The following PLCH2 variants were observed in gnomAD, a reference collection of about 807,000 sequenced individuals.
The protein encoded by PLCH2 is 1-phosphatidylinositol 4,5-bisphosphate phosphodiesterase eta-2.
A neutral mutation model predicts 134.7 loss-of-function variants in PLCH2; 98 were observed. That is an observed-to-expected ratio of 0.73 (90% confidence interval 0.62 to 0.86). The LOEUF (loss-of-function observed/expected upper bound fraction) is 0.86. PLCH2 is among the 40% of genes least tolerant of loss of function. The pLI, the probability that PLCH2 is intolerant of heterozygous loss-of-function variation, is 0.00. For missense variants in PLCH2, 1,994 were observed against 1,986.6 expected (o/e 1.00, Z -0.07); for synonymous variants, 974 against 827.5 (o/e 1.18, Z -3.04).
intron 4 of PLCH2, among the ~76,000 whole-genome samples, chr1:2,483,181 G>A (rs1642069212): frequency 6.6e-6 from 1 of 152,216 alleles, no homozygotes. Context: ...CTTCCGTGGA[G>A]GCCTGAGGAC....
intron 1 of PLCH2, among the ~76,000 whole-genome samples, chr1:2,469,911 G>A (rs541002435): frequency 1.8e-4 from 27 of 152,320 alleles, no homozygotes; most frequent in East Asian, 1.2e-3. Context: ...TGAAGACCCC[G>A]AGAGGGGGCC....
chr1:2,483,457 T>C (rs75732251), intron 4 of PLCH2, among the ~76,000 whole-genome samples: 6,912 of 152,248 alleles, frequency 0.045, 310 homozygotes, highest in African/African-American at 0.11. Context: ...CTGGAACTCT[T>C]TGAAGAGCAG....
upstream of PLCH2, among the ~76,000 whole-genome samples, chr1:2,471,578 G>A (rs1641326100): frequency 6.6e-6 from 1 of 152,208 alleles, no homozygotes; most frequent in African/African-American, 2.4e-5. Flanking sequence ...CCTCCCTCTG[G>A]GCCCTGTGGG....
rs1643257129 is a variant in PLCH2, at chr1:2,502,117, G to A, written c.2667G>A (p.Lys889=). 3 of 1,439,366 alleles carry A rather than the reference G, an allele frequency of 2.1e-6. No individual in the cohort carries two copies. In the East Asian group the frequency reaches 7.9e-5, roughly 38 times the overall value. 89.2% of individuals were successfully genotyped at this position (1,439,366 alleles called of 1,614,324 possible). The change falls in exon 21 of 22, where the codon AAG becomes AAA. Residue 889 remains lysine (K), a synonymous_variant. Coordinates refer to ENST00000378486, the MANE Select transcript of PLCH2 (RefSeq NM_014638.4). ...VAVSDISGKV[K]QALGLKGLFL... Reference sequence around the variant, plus strand: ...ATGGGCTCCTTCTCTTGCAGGTCAAGCAGGCTCTGGGCCTAAAAGGCCTCT... The same window carrying A: ...ATGGGCTCCTTCTCTTGCAGGTCAAACAGGCTCTGGGCCTAAAAGGCCTCT...
chr1:2,442,579 C>T (rs896850127), intron 2 of PLCH2, among the ~76,000 whole-genome samples: 7 of 152,252 alleles, frequency 4.6e-5, no homozygotes, highest in Non-Finnish European at 1.0e-4. Flanking sequence ...TTTCTCAGCT[C>T]TGGCGAGGAC....
intron 2 of PLCH2, among the ~76,000 whole-genome samples, chr1:2,462,362 C>T: frequency 7.8e-6 from 1 of 128,096 alleles, no homozygotes; most frequent in Non-Finnish European, 1.7e-5. Context: ...CTGACAGCCC[C>T]TCTGACACCG....
chr1:2,420,510 G>C, the PLCH2 span, among the ~76,000 whole-genome samples: 1 of 152,202 alleles, frequency 6.6e-6, no homozygotes, highest in Non-Finnish European at 1.5e-5. Flanking sequence ...AGAGCCCCGA[G>C]GGCTGGGGAG....
intron 13 of PLCH2, among the ~76,000 whole-genome samples, chr1:2,495,988 C>T (rs1642862529): frequency 6.6e-6 from 1 of 152,150 alleles, no homozygotes. Flanking sequence ...TCAGCACTGT[C>T]TGGGGTCTCT....
intron 2 of PLCH2, among the ~76,000 whole-genome samples, chr1:2,447,417 C>T (rs555337692): frequency 8.5e-5 from 13 of 152,302 alleles, no homozygotes; most frequent in Non-Finnish European, 1.3e-4. Context: ...TCAGGGCTCC[C>T]CCTCCCCTCC....
chr1:2,471,339 C>T (rs1641316118), upstream of PLCH2, among the ~76,000 whole-genome samples: 1 of 152,030 alleles, frequency 6.6e-6, no homozygotes, highest in Admixed American at 6.5e-5. Context: ...GCTGGGCAGG[C>T]GCCCACCTGC....
Position 2,487,377 on chromosome 1 carries a change from G to A in PLCH2, c.1114+1G>A, listed in dbSNP as rs1440589473. On this transcript the variant is annotated splice_donor_variant, in intron 7 of 21. Coordinates refer to ENST00000378486, the MANE Select transcript of PLCH2 (RefSeq NM_014638.4). LOFTEE classifies it high-confidence loss of function. ...CAGGCTGGCTGCCGCTGCGTGGAGG[G>A]TAAGCCCTGGACCTTGGGTGACGGC... is the stretch of plus-strand genomic sequence containing the variant. 1.9e-6 allele frequency: 3 copies of A among 1,611,676 alleles called. No individual in the cohort carries two copies. Among genetic ancestry groups the A allele is most frequent in the Non-Finnish European group, 2.5e-6 (3 of 1,178,770 alleles).
Position 2,498,290 on chromosome 1 carries a change from C to T in PLCH2, c.2225-233C>T. ...AAGCCATGTGACCTCCTCGGCTCAG[C>T]TGTGGGAGGCATGGGCTCTGTCCCA... On this transcript the variant is annotated intron_variant, in intron 16 of 21. Transcript: ENST00000378486. The surrounding 1 kb of genome is among the most constrained non-coding windows in gnomAD (Gnocchi z 5.4). 1.8e-6 allele frequency: 1 copy of T among 544,944 alleles called. No homozygotes were observed. Among genetic ancestry groups the T allele is most frequent in the East Asian group, 3.1e-5 (1 of 32,462 alleles). 33.8% of individuals were successfully genotyped at this position (544,944 alleles called of 1,614,324 possible).
upstream of PLCH2, among the ~76,000 whole-genome samples, chr1:2,424,838 T>C (rs187653661): frequency 4.6e-5 from 7 of 152,164 alleles, no homozygotes; most frequent in Middle Eastern, 3.4e-3. Flanking sequence ...ATAAAAAAAT[T>C]AGCTGGGCAT....
chr1:2,424,171 T>C (rs548221610), upstream of PLCH2, among the ~76,000 whole-genome samples: 2 of 152,360 alleles, frequency 1.3e-5, no homozygotes, highest in South Asian at 4.1e-4. Flanking sequence ...ATCAAGCTAA[T>C]TAACATAACC....
chr1:2,460,963 G>A (rs1640778157), intron 2 of PLCH2, among the ~76,000 whole-genome samples: 1 of 152,228 alleles, frequency 6.6e-6, no homozygotes, highest in Admixed American at 6.5e-5. Context: ...TGCCAGCCTG[G>A]TGGCGTGGGG....
In PLCH2 at chr1:2,444,072, G is replaced by A. The variant is rs975062821; in HGVS notation, c.115+13443G>A. On this transcript the variant is annotated intron_variant, in intron 2 of 3. Coordinates refer to the PLCH2 transcript ENST00000609981. This position sits in a 1 kb window ranked among gnomAD's most constrained non-coding sequence, Gnocchi z 4.6. ...GGTGCGGGTCGGGGCTGAGCCGCCT[G>A]GGCTTCAGACTCGGGAGCGGAGGCT... 6.6e-6 allele frequency among the ~76,000 whole-genome samples: 1 copy of A among 152,216 alleles called. No individual in the cohort carries two copies. The highest frequency in any genetic ancestry group is 2.1e-4 in the South Asian group (1 of 4,834).
At chr1:2,476,106 T>C (rs1022313324), upstream of PLCH2, among the ~76,000 whole-genome samples, 1 of 152,174 alleles carries the variant, frequency 6.6e-6, no homozygotes, top group African/African-American at 2.4e-5. Context: ...GGCCCTCCCG[T>C]TGGTCCTGCT....
chr1:2,491,342 G>A lies in PLCH2; in HGVS notation c.1659+7G>A, dbSNP rs566310968. 1.2e-6 allele frequency: 2 copies of A among 1,609,684 alleles called. No individual in the cohort carries two copies. Among genetic ancestry groups the A allele is most frequent in the Admixed American group, 1.7e-5 (1 of 59,350 alleles). On this transcript the variant is annotated splice_region_variant and intron_variant, in intron 11 of 21. Coordinates refer to ENST00000378486, the MANE Select transcript of PLCH2 (RefSeq NM_014638.4). ...TGGAAAGCTCGGACGCAAGGTAGAG[G>A]CCAAAAAGGTGACACCCCTGATGCC...
upstream of PLCH2, among the ~76,000 whole-genome samples, chr1:2,472,952 T>C (rs973326930): frequency 2.3e-4 from 24 of 103,384 alleles, no homozygotes; most frequent in Admixed American, 2.1e-3. Flanking sequence ...GTGGGTTTTG[T>C]TGGAAGATTC....
Sources: gnomAD v4.1 joint callset for allele counts (sites outside exome capture counted in the v4.1 genomes callset) on GRCh38, gnomAD v4.1.1 for gene constraint, Gnocchi (gnomAD v3.1) non-coding constraint, MANE v1.5 for transcripts, NCBI Gene and HGNC (gene_info 2026-07-23, HGNC 2026-07-21) for gene names.